The following ZHX1 variants were observed in gnomAD, a reference collection of about 807,000 sequenced individuals.
ZHX1 encodes zinc fingers and homeoboxes 1, also known as zinc fingers and homeoboxes protein 1.
ZHX1 carries 20 observed loss-of-function variants against 61.8 expected under a neutral mutation model. The observed-to-expected ratio is 0.32, with a 90% CI of 0.23 to 0.47. The LOEUF (loss-of-function observed/expected upper bound fraction) is 0.47, where lower values mean the gene tolerates loss of function less well. Ranked by LOEUF, ZHX1 falls within the 20% of genes least tolerant of loss-of-function variation. ZHX1 has a pLI of 1.00. For missense variants in ZHX1, 800 were observed against 1,034.8 expected, an observed-to-expected ratio of 0.77 and a Z score of 3.11; for synonymous variants, 318 against 352.6, an observed-to-expected ratio of 0.90 and a Z score of 1.10.
chr8:123,265,026 T>C (rs1015044563), intron 2 of ZHX1, among the ~76,000 whole-genome samples: 2 of 150,722 alleles, frequency 1.3e-5, no homozygotes, highest in African/African-American at 2.4e-5. Flanking sequence ...CTGTCTCTAC[T>C]AAAAATACAA....
chr8:123,254,544 C>T lies in ZHX1; in HGVS notation c.1403G>A (p.Arg468Gln). The change falls in exon 3 of 4, where the codon CGG becomes CAG. Residue 468 changes from arginine to glutamine, a missense_variant. By Grantham distance (43) the Arg-to-Gln change is conservative. Transcript: ENST00000395571. This position sits in a 1 kb window ranked among gnomAD's most constrained non-coding sequence, Gnocchi z 4.1. ...ALVNPDSFGI[R>Q]AKKTKEQLAE... is the part of the protein sequence containing the mutation. ...CAGTTGCTCTTTTGTCTTTTTTGCCCGAATGCCAAATGAATCAGGGTTTAC... is the reference window on the plus strand; with the variant it reads ...CAGTTGCTCTTTTGTCTTTTTTGCCTGAATGCCAAATGAATCAGGGTTTAC... 3 of 1,613,658 alleles carry T rather than the reference C, an allele frequency of 1.9e-6. No homozygotes were observed. The highest frequency in any genetic ancestry group is 2.5e-6 in the Non-Finnish European group (3 of 1,179,906).
In ZHX1 at chr8:123,249,053, C is replaced by T. The variant is rs748072678; in HGVS notation, c.*1271G>A. ...TTTCAATGGCTGAAAAACATTTAACCAAGAGCTTAATATTTATTATCCATT... is the reference window on the plus strand; with the variant it reads ...TTTCAATGGCTGAAAAACATTTAACTAAGAGCTTAATATTTATTATCCATT... On this transcript the variant is annotated 3_prime_UTR_variant, in exon 4 of 4. Transcript: ENST00000395571. The T allele has an allele frequency of 6.6e-5, 10 of 152,496 alleles. No homozygotes were observed. The highest frequency in any genetic ancestry group is 1.3e-4 in the Non-Finnish European group (9 of 67,968). 9.4% of individuals were successfully genotyped at this position (152,496 alleles called of 1,614,324 possible).
upstream of ZHX1, among the ~76,000 whole-genome samples, chr8:123,275,033 AC>A (rs1422821104): frequency 6.6e-6 from 1 of 152,000 alleles, no homozygotes; most frequent in Non-Finnish European, 1.5e-5. Flanking sequence ...CCGCAGCTCC[AC>A]CCGCTGACAC....
At chr8:123,274,066 C>T (rs1182700780) in intron 1 of ZHX1, 151 bp downstream of exon 1, 1 of 152,876 alleles carries the variant, frequency 6.5e-6, no homozygotes, top group African/African-American at 2.4e-5. Flanking sequence ...CGGGCTCAGC[C>T]CCAGGGGTCT....
rs1208965607 is a variant in ZHX1, at chr8:123,249,661, G to T, written c.*663C>A. On this transcript the variant is annotated 3_prime_UTR_variant, in exon 4 of 4. Transcript: ENST00000395571. ...GGAACAAGTAACAGTAGAAACAGTG[G>T]TATTCATGGATGTGTTTAATGAAGG... is the stretch of plus-strand genomic sequence containing the variant. 1 of 152,014 alleles carries T rather than the reference G, an allele frequency of 6.6e-6. No individual in the cohort carries two copies. Among genetic ancestry groups the T allele is most frequent in the Non-Finnish European group, 1.5e-5 (1 of 67,946 alleles). The allele number at this position is 152,014 out of a possible 1,614,324, so 9.4% of individuals were successfully genotyped here.
chr8:123,273,981 C>G (rs932591552), intron 1 of ZHX1: 1 of 152,410 alleles, frequency 6.6e-6, no homozygotes, highest in African/African-American at 2.4e-5. Flanking sequence ...GGCGACTACC[C>G]AGCCGCGAGG....
intron 1 of ZHX1, among the ~76,000 whole-genome samples, chr8:123,268,616 C>T (rs1041655581): frequency 4.6e-5 from 7 of 152,044 alleles, no homozygotes; most frequent in Admixed American, 2.0e-4. Context: ...CTCAGCCTCC[C>T]GAGTAGCTGG....
At position 123,253,384 on chromosome 8, in the gene ZHX1, T is replaced by C; in HGVS notation, c.2563A>G (p.Ser855Gly). The change falls in exon 3 of 4, where the codon AGT (serine) becomes GGT (glycine). Residue 855 changes from serine to glycine, a missense_variant. Physicochemically the swap from Ser to Gly is moderately conservative, Grantham distance 56 (BLOSUM62 0). Coordinates refer to ENST00000395571, the MANE Select transcript of ZHX1 (RefSeq NM_007222.5). Reference sequence around the variant, plus strand: ...TGTCGTGGAGGTTCCCAAGTGTCACTATCATCTGTTTCTTCTTCATCCTCT... The same window carrying C: ...TGTCGTGGAGGTTCCCAAGTGTCACCATCATCTGTTTCTTCTTCATCCTCT... ...QEEDEEETDD[S>G]DTWEPPRHVK... 1 of 1,613,792 alleles carries C rather than the reference T, an allele frequency of 6.2e-7. No homozygotes were observed. The highest frequency in any genetic ancestry group is 1.1e-5 in the South Asian group (1 of 91,054).
intron 2 of ZHX1, among the ~76,000 whole-genome samples, chr8:123,263,812 C>T (rs955296835): frequency 1.3e-5 from 2 of 151,244 alleles, no homozygotes; most frequent in Admixed American, 6.6e-5. Flanking sequence ...CCAGCCTGGG[C>T]GACAGAAGAA....
At chr8:123,252,101 C>T (rs559948359) in intron 3 of ZHX1, among the ~76,000 whole-genome samples, 9 of 152,208 alleles carry the variant, frequency 5.9e-5, no homozygotes, top group African/African-American at 2.2e-4. Context: ...AGCATGCTCA[C>T]GTATAAAATA....
intron 2 of ZHX1, among the ~76,000 whole-genome samples, chr8:123,256,627 G>A (rs569692782): frequency 6.6e-6 from 1 of 152,172 alleles, no homozygotes; most frequent in South Asian, 2.1e-4. Context: ...AGCCAGGCGT[G>A]GTGGCAGGTG....
intron 1 of ZHX1, among the ~76,000 whole-genome samples, chr8:123,271,778 A>G (rs2131228619): frequency 6.6e-6 from 1 of 152,284 alleles, no homozygotes; most frequent in East Asian, 1.9e-4. Context: ...TTTGTCCCCA[A>G]TTATTGAAAA....
chr8:123,268,990 G>A (rs1402791834), intron 1 of ZHX1, among the ~76,000 whole-genome samples: 1 of 152,136 alleles, frequency 6.6e-6, no homozygotes, highest in Non-Finnish European at 1.5e-5. Flanking sequence ...AACTTAGGCT[G>A]AATAAGTACA....
At chr8:123,259,344 T>C (rs1826174632) in intron 2 of ZHX1, among the ~76,000 whole-genome samples, 1 of 152,222 alleles carries the variant, frequency 6.6e-6, no homozygotes, top group Admixed American at 6.5e-5. Context: ...CCAAATGTTA[T>C]AAACTAAGCC....
At chr8:123,269,355 G>A (rs1826568210) in intron 1 of ZHX1, among the ~76,000 whole-genome samples, 1 of 152,200 alleles carries the variant, frequency 6.6e-6, no homozygotes, top group Admixed American at 6.5e-5. Context: ...GAGCTCATCA[G>A]TGCTTTTGAA....
At position 123,253,729 on chromosome 8, in the gene ZHX1, G is replaced by A. The variant is rs1329297106; in HGVS notation, c.2218C>T (p.Leu740Phe). Residue 740 changes from leucine (L) to phenylalanine (F), a missense_variant, in exon 3 of 4, where the codon CTT (leucine) becomes TTT (phenylalanine). Physicochemically the swap from Leu to Phe is conservative, Grantham distance 22. Coordinates refer to ENST00000395571, the MANE Select transcript of ZHX1 (RefSeq NM_007222.5). The stretch of plus-strand genomic sequence containing the variant: ...GGTCTCCCTCTCCCTCTTTTCCTAA[G>A]GGAAGACAGACCATTCATACTACTT... Reference protein sequence around the residue: ...NSSSMNGLSSLRKRGRGRPKG... With the variant: ...NSSSMNGLSSFRKRGRGRPKG... The A allele has an allele frequency of 6.2e-7, 1 of 1,614,222 alleles. No individual in the cohort carries two copies. The highest frequency in any genetic ancestry group is 8.5e-7 in the Non-Finnish European group (1 of 1,180,046).
At position 123,254,638 on chromosome 8, in the gene ZHX1, T is replaced by C. The variant is rs376788877; in HGVS notation, c.1309A>G (p.Thr437Ala). Residue 437 changes from threonine to alanine, a missense_variant, in exon 3 of 4, where the codon ACT becomes GCT. Physicochemically the swap from Thr to Ala is moderately conservative, Grantham distance 58. Coordinates refer to ENST00000395571, the MANE Select transcript of ZHX1 (RefSeq NM_007222.5). This position sits in a 1 kb window ranked among gnomAD's most constrained non-coding sequence, Gnocchi z 4.1. ...GCTGTTGCTGGCTTTGTTTCTGCAGTAGGCTGAGCAGCAGGTACCTGACTT... is the reference window on the plus strand; with the variant it reads ...GCTGTTGCTGGCTTTGTTTCTGCAGCAGGCTGAGCAGCAGGTACCTGACTT... ...QKSQVPAAQP[T>A]AETKPATAAV... The C allele has an allele frequency of 1.8e-4, 291 of 1,614,088 alleles. No homozygotes were observed. Among genetic ancestry groups the C allele is most frequent in the Non-Finnish European group, 2.3e-4 (273 of 1,180,028 alleles).
rs989830813 is a variant in ZHX1, at chr8:123,267,400, A to G, written c.-339-14T>C. ...GTCTGTCTTCTCCTACAAAAAAGTC[A>G]TATTTTATTATTCTAGATATAATTT... On this transcript the variant is annotated splice_polypyrimidine_tract_variant and intron_variant, in intron 1 of 3. Coordinates refer to ENST00000395571, the MANE Select transcript of ZHX1 (RefSeq NM_007222.5). The G allele has an allele frequency of 7.7e-6, 6 of 781,618 alleles. No individual in the cohort carries two copies. The highest frequency in any genetic ancestry group is 3.5e-5 in the African/African-American group (2 of 56,994). 48.4% of individuals were successfully genotyped at this position (781,618 alleles called of 1,614,324 possible).
Position 123,255,002 on chromosome 8 carries a change from T to A in ZHX1, c.945A>T (p.Thr315=). 6.2e-7 allele frequency: 1 copy of A among 1,614,184 alleles called. No homozygotes were observed. The highest frequency in any genetic ancestry group is 8.5e-7 in the Non-Finnish European group (1 of 1,180,018). ...KFPYPTMSEI[T]VLSAQAKYTE... is the part of the protein sequence containing the mutation. ...TATATTTTGCTTGAGCAGAAAGAAC[T>A]GTAATTTCTGACATTGTTGGGTAAG... Residue 315 remains threonine, a synonymous_variant, in exon 3 of 4, where the codon ACA becomes ACT. Coordinates refer to ENST00000395571, the MANE Select transcript of ZHX1 (RefSeq NM_007222.5).
Sources: gnomAD v4.1 joint callset for allele counts (sites outside exome capture counted in the v4.1 genomes callset) on GRCh38, gnomAD v4.1.1 for gene constraint, Gnocchi (gnomAD v3.1) non-coding constraint, MANE v1.5 for transcripts, NCBI Gene and HGNC (gene_info 2026-07-23, HGNC 2026-07-21) for gene names.